The following DELE1 variants were observed in gnomAD, a reference collection of about 807,000 sequenced individuals.
DELE1 encodes the protein DAP3 binding cell death enhancer 1.
Under a neutral mutation model 59.3 loss-of-function variants are expected in DELE1, and 54 were observed. That is an observed-to-expected ratio of 0.91 (90% CI 0.73 to 1.14). The LOEUF (loss-of-function observed/expected upper bound fraction) is 1.14. Ranked by LOEUF, DELE1 falls within the 50% of genes most tolerant of loss-of-function variation. The pLI, the probability that DELE1 is intolerant of heterozygous loss-of-function variation, is 0.00. For missense variants in DELE1, 636 were observed against 643.9 expected (o/e 0.99, Z 0.13); for synonymous variants, 264 against 259.1 (o/e 1.02, Z -0.18).
Position 141,934,581 on chromosome 5 carries a change from A to G in DELE1, c.1144A>G (p.Asn382Asp), listed in dbSNP as rs1752213933. ...AVKYLWLAAN[N>D]GDSQSRYHLG... ...GAAATATCTTTGGCTTGCAGCCAAC[A>G]ATGGGGTATGCGATCTCAGTGGACA... The change falls in exon 10 of 12, where the codon AAT (asparagine) becomes GAT (aspartate). Residue 382 changes from asparagine to aspartate, a missense_variant. Physicochemically the swap from Asn to Asp is conservative, Grantham distance 23 (BLOSUM62 1). Transcript: ENST00000432126. The G allele has an allele frequency of 2.5e-6, 4 of 1,613,728 alleles. No individual in the cohort carries two copies. The Admixed American group carries it at 6.7e-5, about 27-fold the overall frequency.
At chr5:141,930,348 C>A in intron 7 of DELE1, 74 bp downstream of exon 7, 1 of 1,084,874 alleles carries the variant, frequency 9.2e-7, no homozygotes, top group Non-Finnish European at 1.4e-6. Flanking sequence ...CAGATATAGT[C>A]AAGATAGGGA....
At chr5:141,931,171 C>T (rs1377340609) in intron 7 of DELE1, 1 of 152,218 alleles carries the variant, frequency 6.6e-6, no homozygotes, top group Non-Finnish European at 1.5e-5. Context: ...GTCACAAAGA[C>T]AGCCACTTTT....
chr5:141,925,059 C>T (rs1328983230), intron 2 of DELE1, among the ~76,000 whole-genome samples: 1 of 152,096 alleles, frequency 6.6e-6, no homozygotes, highest in Non-Finnish European at 1.5e-5. Flanking sequence ...TCCCAAGTAG[C>T]TGGGATTTCA....
intron 7 of DELE1, among the ~76,000 whole-genome samples, chr5:141,932,847 C>T (rs992513404): frequency 1.3e-5 from 2 of 152,054 alleles, no homozygotes; most frequent in African/African-American, 4.8e-5. Context: ...GTAATCCCGA[C>T]ACTTTGGGAG....
rs1752601883 is a variant in DELE1, at chr5:141,939,314, C to T, written c.*555C>T. On this transcript the variant is annotated 3_prime_UTR_variant, in exon 12 of 12. Transcript: ENST00000432126. ...CTAACTGTAAAAAAAAATAGTGAAT[C>T]AGTTTAAAGAAAAACATAACGTAAA... 2.7e-6 allele frequency: 2 copies of T among 754,106 alleles called. No homozygotes were observed. The highest frequency in any genetic ancestry group is 1.9e-5 in the African/African-American group (1 of 52,246). The allele number at this position is 754,106 out of a possible 1,614,324, so 46.7% of individuals were successfully genotyped here.
At chr5:141,936,929 T>G in intron 10 of DELE1, 1 of 1,222,240 alleles carries the variant, frequency 8.2e-7, no homozygotes, top group Non-Finnish European at 1.0e-6. Context: ...TGTGCATGCT[T>G]TCAGCCAGCC....
rs1752626340 is a variant in DELE1, at chr5:141,939,703, A to G, written c.*944A>G. The G allele has an allele frequency of 1.0e-6, 1 of 985,722 alleles. No homozygotes were observed. Among genetic ancestry groups the G allele is most frequent in the Admixed American group, 6.1e-5 (1 of 16,274 alleles). 61.1% of individuals were successfully genotyped at this position (985,722 alleles called of 1,614,324 possible). A position where few individuals can be genotyped will look rare whatever the true frequency, so the allele number is the denominator to read the frequency against. On this transcript the variant is annotated 3_prime_UTR_variant, in exon 12 of 12. Coordinates refer to ENST00000432126, the MANE Select transcript of DELE1 (RefSeq NM_014773.5). ...ACAGTCAAGAAGAGGAAAGTGTGTGAAGACCCAGGTCTGGCTCTGCCACTT... is the reference window on the plus strand; with the variant it reads ...ACAGTCAAGAAGAGGAAAGTGTGTGGAGACCCAGGTCTGGCTCTGCCACTT...
Position 141,939,737 on chromosome 5 carries a change from A to T in DELE1, c.*978A>T. ...GTCTGGCTCTGCCACTTGCCTGGCCATGTCACCTTGAAGCTGTGACCTGAC... is the reference window on the plus strand; with the variant it reads ...GTCTGGCTCTGCCACTTGCCTGGCCTTGTCACCTTGAAGCTGTGACCTGAC... On this transcript the variant is annotated 3_prime_UTR_variant, in exon 12 of 12. Coordinates refer to ENST00000432126, the MANE Select transcript of DELE1 (RefSeq NM_014773.5). 1.0e-6 allele frequency: 1 copy of T among 974,970 alleles called. No individual in the cohort carries two copies. The highest frequency in any genetic ancestry group is 1.2e-6 in the Non-Finnish European group (1 of 820,104). The allele number at this position is 974,970 out of a possible 1,614,324, so 60.4% of individuals were successfully genotyped here.
At position 141,941,608 on chromosome 5, in the gene DELE1, G is replaced by T; in HGVS notation, c.*2849G>T. 1 of 985,468 alleles carries T rather than the reference G, an allele frequency of 1.0e-6. No homozygotes were observed. Among genetic ancestry groups the T allele is most frequent in the Non-Finnish European group, 1.2e-6 (1 of 829,988 alleles). 61.0% of individuals were successfully genotyped at this position (985,468 alleles called of 1,614,324 possible). A position where few individuals can be genotyped will look rare whatever the true frequency, so the allele number is the denominator to read the frequency against. ...GGCTCCCATCAGCAGGGCCAGCCTG[G>T]GTCAGGATGCTGGGTTAAAGCCCGG... On this transcript the variant is annotated 3_prime_UTR_variant, in exon 12 of 12. Coordinates refer to ENST00000432126, the MANE Select transcript of DELE1 (RefSeq NM_014773.5).
chr5:141,939,839 C>A lies in DELE1; in HGVS notation c.*1080C>A. ...CTACCTTAGAAGACAAATGCAAGGGCATTTCACCACAGAGAGGACCTTTGT... is the reference window on the plus strand; with the variant it reads ...CTACCTTAGAAGACAAATGCAAGGGAATTTCACCACAGAGAGGACCTTTGT... On this transcript the variant is annotated 3_prime_UTR_variant, in exon 12 of 12. Transcript: ENST00000432126. 1.8e-6 allele frequency: 1 copy of A among 559,694 alleles called. No individual in the cohort carries two copies. The highest frequency in any genetic ancestry group is 2.3e-6 in the Non-Finnish European group (1 of 441,146). The allele number at this position is 559,694 out of a possible 1,614,324, so 34.7% of individuals were successfully genotyped here.
At chr5:141,930,967 T>A (rs565916703) in intron 7 of DELE1, among the ~76,000 whole-genome samples, 1 of 152,346 alleles carries the variant, frequency 6.6e-6, no homozygotes, top group South Asian at 2.1e-4. Context: ...TTTTAGGTAC[T>A]GGGGATACAG....
In DELE1 at chr5:141,938,789, C is replaced by T; in HGVS notation, c.*30C>T. ...AGATAAAACATAGTCCCTGGTGCCTCTTAGGGGCCAGAGCGGGCAGGAGGT... is the reference window on the plus strand; with the variant it reads ...AGATAAAACATAGTCCCTGGTGCCTTTTAGGGGCCAGAGCGGGCAGGAGGT... On this transcript the variant is annotated 3_prime_UTR_variant, in exon 12 of 12. Transcript: ENST00000432126. The T allele has an allele frequency of 6.3e-7, 1 of 1,583,218 alleles. No individual in the cohort carries two copies. Among genetic ancestry groups the T allele is most frequent in the Admixed American group, 1.7e-5 (1 of 57,830 alleles).
In DELE1 at chr5:141,930,234, G is replaced by A. The variant is rs375241508; in HGVS notation, c.714G>A (p.Gln238=). 3 of 1,613,800 alleles carry A rather than the reference G, an allele frequency of 1.9e-6. No homozygotes were observed. The African/African-American group carries it at 4.0e-5, about 22-fold the overall frequency. The part of the protein sequence containing the change: ...SLEEAVTSIQ[Q]LFQLSVSIAF... ...AGGAGGCTGTGACTTCCATTCAGCA[G>A]CTCTTCCAGCTCAGTGTTTCCATCG... The change falls in exon 7 of 12, where the codon CAG becomes CAA. Residue 238 remains glutamine, a synonymous_variant. Coordinates refer to ENST00000432126, the MANE Select transcript of DELE1 (RefSeq NM_014773.5).
chr5:141,937,059 A>G, intron 10 of DELE1, 139 bp from the exon 11 acceptor site: 1 of 1,509,672 alleles, frequency 6.6e-7, no homozygotes, highest in South Asian at 1.3e-5. Context: ...ATCCCTTGCT[A>G]TGGGGCGGGC....
chr5:141,941,233 G>C lies in DELE1; in HGVS notation c.*2474G>C. On this transcript the variant is annotated 3_prime_UTR_variant, in exon 12 of 12. Transcript: ENST00000432126. ...TGGCCACTGGGCGTCCTGTGGTGAA[G>C]GCCAGATGCAGCCCTCCCTGAGTGG... 2 of 985,508 alleles carry C rather than the reference G, an allele frequency of 2.0e-6. No individual in the cohort carries two copies. Among genetic ancestry groups the C allele is most frequent in the Non-Finnish European group, 2.4e-6 (2 of 829,984 alleles). The allele number at this position is 985,508 out of a possible 1,614,324, so 61.0% of individuals were successfully genotyped here. A position where few individuals can be genotyped will look rare whatever the true frequency, so the allele number is the denominator to read the frequency against.
intron 10 of DELE1, 187 bp from the exon 11 acceptor site, chr5:141,937,011 T>G: frequency 6.8e-7 from 1 of 1,462,614 alleles, no homozygotes. Flanking sequence ...CTCCTTTGTG[T>G]TGGGTGAGCT....
At position 141,940,144 on chromosome 5, in the gene DELE1, A is replaced by C. The variant is rs1411381408; in HGVS notation, c.*1385A>C. The C allele has an allele frequency of 1.0e-6, 1 of 985,276 alleles. No homozygotes were observed. The highest frequency in any genetic ancestry group is 1.1e-4 in the East Asian group (1 of 8,818). The allele number at this position is 985,276 out of a possible 1,614,324, so 61.0% of individuals were successfully genotyped here. A position where few individuals can be genotyped will look rare whatever the true frequency, so the allele number is the denominator to read the frequency against. On this transcript the variant is annotated 3_prime_UTR_variant, in exon 12 of 12. Transcript: ENST00000432126. The stretch of plus-strand genomic sequence containing the variant: ...AGGTGTTTAATAAAACAGATATTGG[A>C]TTATCTCATCACTCTTGCCCTTGAG...
At position 141,928,234 on chromosome 5, in the gene DELE1, A is replaced by C; in HGVS notation, c.348A>C (p.Glu116Asp). ...TGCCAGCAGGACCTCAGCGGGTAGA[A>C]CACTGCTCCTGGCACAGTCCCCTGG... Reference protein sequence around the residue: ...ASLPAGPQRVEHCSWHSPLDR... With the variant: ...ASLPAGPQRVDHCSWHSPLDR... The change falls in exon 4 of 12, where the codon GAA becomes GAC. Residue 116 changes from glutamate to aspartate, a missense_variant. Glu to Asp is a conservative substitution (Grantham distance 45). Coordinates refer to ENST00000432126, the MANE Select transcript of DELE1 (RefSeq NM_014773.5). The C allele has an allele frequency of 6.2e-7, 1 of 1,614,208 alleles. No individual in the cohort carries two copies. The highest frequency in any genetic ancestry group is 1.3e-5 in the African/African-American group (1 of 75,058).
rs998007025 is a variant in DELE1 at position 141,939,890 on chromosome 5, A to C, written c.*1131A>C. 1 of 633,620 alleles carries C rather than the reference A, an allele frequency of 1.6e-6. No individual in the cohort carries two copies. Among genetic ancestry groups the C allele is most frequent in the African/African-American group, 2.0e-5 (1 of 50,092 alleles). 39.2% of individuals were successfully genotyped at this position (633,620 alleles called of 1,614,324 possible). A position where few individuals can be genotyped will look rare whatever the true frequency, so the allele number is the denominator to read the frequency against. On this transcript the variant is annotated 3_prime_UTR_variant, in exon 12 of 12. Coordinates refer to ENST00000432126, the MANE Select transcript of DELE1 (RefSeq NM_014773.5). ...GCTCACTTTGGCCCAGGAGGCAGTG[A>C]TGCTCATGGTTGCATGACTTTATGA...
Sources: allele counts gnomAD v4.1 joint callset (sites outside exome capture counted in the v4.1 genomes callset), GRCh38; gene constraint gnomAD v4.1.1; transcripts MANE v1.5; gene names NCBI Gene and HGNC (gene_info 2026-07-23, HGNC 2026-07-21).